EPB42: variants seen among roughly 807,000 people sequenced by gnomAD.
EPB42 encodes the protein protein 4.2.
A neutral mutation model predicts 76.9 loss-of-function variants in EPB42; 49 were observed. The observed-to-expected ratio is 0.64, with a 90% CI of 0.51 to 0.81. The LOEUF is 0.81. Ranked by LOEUF, EPB42 falls within the 30% of genes least tolerant of loss-of-function variation. The pLI, the probability that EPB42 is intolerant of heterozygous loss-of-function variation, is 0.00. For missense variants in EPB42, 731 were observed against 867.6 expected, an observed-to-expected ratio of 0.84 and a Z score of 1.98; for synonymous variants, 310 against 338.4, an observed-to-expected ratio of 0.92 and a Z score of 0.92.
rs763531447 is a variant in EPB42 at position 43,220,796 on chromosome 15, C to T, written c.10+20G>A. ...CTGCATACAGTCCAGCAAGCCCTGT[C>T]GAGCGCTGGCTTGGCTCACCCTGTC... On this transcript the variant is annotated intron_variant, in intron 1 of 12. Transcript: ENST00000441366. The T allele has an allele frequency of 1.4e-5, 22 of 1,612,810 alleles. No homozygotes were observed. Among genetic ancestry groups the T allele is most frequent in the Admixed American group, 5.0e-5 (3 of 59,996 alleles).
At chr15:43,208,075 C>T (rs2042232263) in intron 8 of EPB42, among the ~76,000 whole-genome samples, 155 bp downstream of exon 8, 1 of 152,228 alleles carries the variant, frequency 6.6e-6, no homozygotes, top group Admixed American at 6.5e-5. Context: ...CCACTGGCAT[C>T]AGGTCAGCTT....
In EPB42 at chr15:43,206,281, ATGTG is replaced by A. The variant is rs147713872; in HGVS notation, c.1618+45_1618+48del. ...CTGCTGCCTGCCCAAGGCAGGGGCC[ATGTG>A]TGTGTGTGTGTCGGGGGGTGTCTGG... is the stretch of plus-strand genomic sequence containing the variant. On this transcript the variant is annotated intron_variant, in intron 10 of 12. Coordinates refer to ENST00000441366, the MANE Select transcript of EPB42 (RefSeq NM_001114134.2). The surrounding 1 kb of genome is among the most constrained non-coding windows in gnomAD (Gnocchi z 4.7). 1.0e-5 allele frequency: 15 copies of A among 1,491,724 alleles called. No homozygotes were observed. Among genetic ancestry groups the A allele is most frequent in the East Asian group, 2.4e-5 (1 of 41,788 alleles). 92.4% of individuals were successfully genotyped at this position (1,491,724 alleles called of 1,614,324 possible).
rs2042454140 is a variant in EPB42 at position 43,220,946 on chromosome 15, G to C, written c.-121C>G. On this transcript the variant is annotated 5_prime_UTR_variant, in exon 1 of 13. Transcript: ENST00000441366. ...AGAAAATATGAAGGCACTTTTGTTG[G>C]CTTAAGAATCTGGAAATAGCAAAAC... 1.1e-6 allele frequency: 1 copy of C among 900,268 alleles called. No individual in the cohort carries two copies. Among genetic ancestry groups the C allele is most frequent in the Non-Finnish European group, 1.8e-6 (1 of 556,340 alleles). 55.8% of individuals were successfully genotyped at this position (900,268 alleles called of 1,614,324 possible). A position where few individuals can be genotyped will look rare whatever the true frequency, so the allele number is the denominator to read the frequency against.
intron 7 of EPB42, 137 bp from the exon 8 acceptor site, chr15:43,208,470 A>T: frequency 7.2e-7 from 1 of 1,387,988 alleles, no homozygotes; most frequent in Non-Finnish European, 1.0e-6. Flanking sequence ...TGGCACTCCC[A>T]GGAAGGGGCG....
chr15:43,200,392 C>T (rs1047008747), intron 12 of EPB42, among the ~76,000 whole-genome samples: 4 of 152,044 alleles, frequency 2.6e-5, no homozygotes, highest in Non-Finnish European at 5.9e-5. Context: ...ACTAAGGATG[C>T]AGTAGACATA....
intron 1 of EPB42, among the ~76,000 whole-genome samples, chr15:43,217,160 G>A (rs2042391140): frequency 6.6e-6 from 1 of 152,198 alleles, no homozygotes; most frequent in Non-Finnish European, 1.5e-5. Flanking sequence ...TAGAGGAGGG[G>A]CCTGGTGGGA....
intron 4 of EPB42, 60 bp from the exon 5 acceptor site, chr15:43,210,499 T>G (rs1263597181): frequency 6.6e-7 from 1 of 1,504,638 alleles, no homozygotes; most frequent in African/African-American, 1.4e-5. Context: ...TGAGGAAGGG[T>G]CCCCAGGTCA....
chr15:43,218,460 G>A (rs1459873460), intron 1 of EPB42, among the ~76,000 whole-genome samples: 1 of 152,176 alleles, frequency 6.6e-6, no homozygotes, highest in Non-Finnish European at 1.5e-5. Flanking sequence ...CCTGGCAGAG[G>A]TCAGTCCTCT....
At chr15:43,202,231 A>G (rs2042137463) in intron 11 of EPB42, among the ~76,000 whole-genome samples, 1 of 152,036 alleles carries the variant, frequency 6.6e-6, no homozygotes, top group Non-Finnish European at 1.5e-5. Context: ...CTGTCTTGGG[A>G]ATTCAGTTTA....
At chr15:43,205,267 C>A (rs1489791628) in intron 10 of EPB42, among the ~76,000 whole-genome samples, 5 of 152,188 alleles carry the variant, frequency 3.3e-5, no homozygotes, top group African/African-American at 4.8e-5. Context: ...GATACAGAGA[C>A]TGGAGGTGAG....
Position 43,211,501 on chromosome 15 carries a change from C to T in EPB42, c.464G>A (p.Arg155His), listed in dbSNP as rs755096235. ...DAVFLKNEAQ[R>H]MEYLLNQNGL... ...ATTCTGGTTCAACAAGTACTCCATG[C>T]GCTGAGCCTCATTCTTCAGGAACAC... The change falls in exon 4 of 13, where the codon CGC (arginine) becomes CAC (histidine). Residue 155 changes from arginine to histidine, a missense_variant. Physicochemically the swap from Arg to His is conservative, Grantham distance 29. Coordinates refer to ENST00000441366, the MANE Select transcript of EPB42 (RefSeq NM_001114134.2). 1.4e-5 allele frequency: 22 copies of T among 1,613,932 alleles called. No homozygotes were observed. Among genetic ancestry groups the T allele is most frequent in the South Asian group, 2.2e-5 (2 of 91,080 alleles).
Position 43,209,392 on chromosome 15 carries a change from T to G in EPB42, c.714A>C (p.Glu238Asp). Residue 238 changes from glutamate (E) to aspartate (D), a missense_variant, in exon 6 of 13, where the codon GAA becomes GAC. Transcript: ENST00000441366. ...LPTPQTQATQ[E>D]GALLNKRRGS... ...CCCGGCGCTTGTTCAGCAAGGCCCC[T>G]TCCTGGGTGGCCTGGGTCTGCGGGG... The G allele has an allele frequency of 6.2e-7, 1 of 1,613,826 alleles. No individual in the cohort carries two copies. Among genetic ancestry groups the G allele is most frequent in the Non-Finnish European group, 8.5e-7 (1 of 1,179,864 alleles).
At chr15:43,201,546 G>C (rs1401247019) in intron 12 of EPB42, among the ~76,000 whole-genome samples, 1 of 152,168 alleles carries the variant, frequency 6.6e-6, no homozygotes, top group Non-Finnish European at 1.5e-5. Context: ...CCAATACCCA[G>C]CCCTAATGCC....
At chr15:43,221,259 G>A (rs775891994), upstream of EPB42, 4 of 212,900 alleles carry the variant, frequency 1.9e-5, no homozygotes, top group Non-Finnish European at 2.9e-5. Context: ...AAGAGAGGAG[G>A]CCACAAACAG....
Position 43,209,170 on chromosome 15 carries a change from G to A in EPB42, c.832+104C>T, listed in dbSNP as rs901892167. The A allele has an allele frequency of 4.5e-5, 59 of 1,323,430 alleles. No individual in the cohort carries two copies. In the African/African-American group the frequency reaches 5.9e-4, roughly 13 times the overall value. The allele number at this position is 1,323,430 out of a possible 1,614,324, so 82.0% of individuals were successfully genotyped here. On this transcript the variant is annotated intron_variant, in intron 6 of 12. Transcript: ENST00000441366. ...TCTGTGTGATGAGATGGGGAAATGC[G>A]GCCGCAGGGAGGCAGCACCTGCTTT...
chr15:43,208,491 C>T, intron 7 of EPB42, 146 bp downstream of exon 7: 1 of 1,435,192 alleles, frequency 7.0e-7, no homozygotes, highest in Non-Finnish European at 9.8e-7. Flanking sequence ...TGCACACCAT[C>T]ACTGACCATC....
At chr15:43,214,235 G>C in intron 3 of EPB42, among the ~76,000 whole-genome samples, 1 of 152,188 alleles carries the variant, frequency 6.6e-6, no homozygotes, top group Non-Finnish European at 1.5e-5. Context: ...AGAGAAGATG[G>C]GTCCTACTTT....
intron 12 of EPB42, among the ~76,000 whole-genome samples, chr15:43,200,395 T>A (rs887152358): frequency 6.6e-6 from 1 of 152,110 alleles, no homozygotes; most frequent in Non-Finnish European, 1.5e-5. Flanking sequence ...AAGGATGCAG[T>A]AGACATAATG....
chr15:43,209,286 C>T lies in EPB42; in HGVS notation c.820G>A (p.Val274Ile). ...CAAGGGGACCAACCTGTGCAAGCAACAGCAGCCAACACCCAGGCCTGGCCA... is the reference window on the plus strand; with the variant it reads ...CAAGGGGACCAACCTGTGCAAGCAATAGCAGCCAACACCCAGGCCTGGCCA... Reference protein sequence around the residue: ...YDGQAWVLAAVACTVLRCLGI... With the variant: ...YDGQAWVLAAIACTVLRCLGI... Residue 274 changes from valine (V) to isoleucine (I), a missense_variant, in exon 6 of 13, where the codon GTT becomes ATT. Val to Ile is a conservative substitution (Grantham distance 29, BLOSUM62 3). Transcript: ENST00000441366. 6.2e-7 allele frequency: 1 copy of T among 1,614,124 alleles called. No homozygotes were observed. The highest frequency in any genetic ancestry group is 1.1e-5 in the South Asian group (1 of 91,086).
Sources: gnomAD v4.1 joint callset for allele counts (sites outside exome capture counted in the v4.1 genomes callset) on GRCh38, gnomAD v4.1.1 for gene constraint, Gnocchi (gnomAD v3.1) non-coding constraint, MANE v1.5 for transcripts, NCBI Gene and HGNC (gene_info 2026-07-23, HGNC 2026-07-21) for gene names.